The following COL11A1 variants were observed in gnomAD, a reference collection of about 807,000 sequenced individuals.
COL11A1 encodes the protein collagen alpha-1(XI) chain.
Under a neutral mutation model 265.2 loss-of-function variants are expected in COL11A1, and 74 were observed. The ratio of observed to expected loss-of-function variants is 0.28; its 90% CI spans 0.23 to 0.34. The LOEUF (loss-of-function observed/expected upper bound fraction) is 0.34, where lower values mean the gene tolerates loss of function less well. Ranked by LOEUF, COL11A1 falls within the 10% of genes least tolerant of loss-of-function variation. The probability of loss-of-function intolerance (pLI) is 1.00; values close to 1 mark genes in which losing one functional copy is unlikely to be tolerated. For synonymous variants in COL11A1, 816 were observed against 727.6 expected (o/e 1.12, Z -1.96); for missense variants, 2,165 against 2,263.6 (o/e 0.96, Z 0.88).
Position 103,001,954 on chromosome 1 carries a change from G to C in COL11A1, c.2113C>G (p.Gln705Glu), listed in dbSNP as rs747512885. ...TCACCAGGAGGACCAATTGGACCTT[G>C]TGGACCAGGAAGACCCTATTTTAAA... ...NPGPQGLPGPQGPIGPPGEKG... is the reference protein window; with the variant it reads ...NPGPQGLPGPEGPIGPPGEKG... Residue 705 changes from glutamine to glutamate, a missense_variant, in exon 24 of 67, where the codon CAA (glutamine) becomes GAA (glutamate). Physicochemically the swap from Gln to Glu is conservative, Grantham distance 29. Transcript: ENST00000370096. 6.2e-7 allele frequency: 1 copy of C among 1,613,046 alleles called. No individual in the cohort carries two copies. Among genetic ancestry groups the C allele is most frequent in the Non-Finnish European group, 8.5e-7 (1 of 1,179,092 alleles).
At chr1:102,916,128 T>G (rs1655309957) in intron 49 of COL11A1, among the ~76,000 whole-genome samples, 1 of 152,190 alleles carries the variant, frequency 6.6e-6, no homozygotes. Context: ...GTACATATGT[T>G]GATATTTTAT....
Position 102,898,691 on chromosome 1 carries a change from C to A in COL11A1, c.4223G>T (p.Gly1408Val). 1 of 1,612,738 alleles carries A rather than the reference C, an allele frequency of 6.2e-7. No homozygotes were observed. The highest frequency in any genetic ancestry group is 8.5e-7 in the Non-Finnish European group (1 of 1,179,226). Residue 1408 changes from glycine to valine, a missense_variant, in exon 56 of 67, where the codon GGT (glycine) becomes GTT (valine). By Grantham distance (109) the Gly-to-Val change is moderately radical (BLOSUM62 -3). Transcript: ENST00000370096. ...QGPAGKPGPE[G>V]LRGIPGPVGE... ...CACAGGACCAGGGATGCCCCGAAGA[C>A]CTTCTGGACCAGGCTTTCCTGCAGG...
intron 54 of COL11A1, among the ~76,000 whole-genome samples, chr1:102,910,378 T>C (rs1469981206): frequency 1.3e-5 from 2 of 152,072 alleles, no homozygotes; most frequent in Admixed American, 6.6e-5. Context: ...AATATAAATA[T>C]GTACTTTTTT....
intron 36 of COL11A1, among the ~76,000 whole-genome samples, chr1:102,972,633 A>C (rs970081296): frequency 6.6e-6 from 1 of 152,152 alleles, no homozygotes; most frequent in Non-Finnish European, 1.5e-5. Flanking sequence ...TAAAAGTAAT[A>C]ATTTTTTCAT....
At chr1:102,889,130 A>T (rs1310004345) in intron 59 of COL11A1, among the ~76,000 whole-genome samples, 2 of 152,140 alleles carry the variant, frequency 1.3e-5, no homozygotes, top group East Asian at 3.8e-4. Context: ...TACAATATCA[A>T]TGAGGTTTTT....
At chr1:102,918,270 CT>C (rs1409776404) in intron 49 of COL11A1, among the ~76,000 whole-genome samples, 3 of 151,712 alleles carry the variant, frequency 2.0e-5, no homozygotes, top group Non-Finnish European at 4.4e-5. Flanking sequence ...ACAAATTACT[CT>C]GTATGTACAA....
At chr1:103,033,938 C>T (rs1668170417) in intron 4 of COL11A1, among the ~76,000 whole-genome samples, 1 of 151,982 alleles carries the variant, frequency 6.6e-6, no homozygotes, top group Admixed American at 6.6e-5. Context: ...CTGGCTGTTT[C>T]CTTTGCATTT....
chr1:103,030,162 T>C (rs1667857153), intron 5 of COL11A1, among the ~76,000 whole-genome samples: 2 of 152,086 alleles, frequency 1.3e-5, no homozygotes, highest in Non-Finnish European at 2.9e-5. Flanking sequence ...GTGAAACAGG[T>C]AAATAAAATA....
chr1:103,043,163 C>A (rs1175290294), intron 4 of COL11A1, among the ~76,000 whole-genome samples: 1 of 143,224 alleles, frequency 7.0e-6, no homozygotes, highest in African/African-American at 2.6e-5. Flanking sequence ...TGAAATACAT[C>A]ATATATATGA....
intron 10 of COL11A1, 87 bp from the exon 11 acceptor site, chr1:103,017,969 T>C: frequency 1.9e-6 from 2 of 1,047,330 alleles, no homozygotes; most frequent in Non-Finnish European, 3.0e-6. Context: ...GAAGAGTTCG[T>C]TTATATTTTA....
intron 66 of COL11A1, among the ~76,000 whole-genome samples, chr1:102,878,698 G>A (rs1246545592): frequency 6.6e-6 from 1 of 150,892 alleles, no homozygotes; most frequent in Non-Finnish European, 1.5e-5. Context: ...TTTAGTAGAT[G>A]AGGTTTCACT....
chr1:102,910,979 T>C (rs775269775), intron 54 of COL11A1, among the ~76,000 whole-genome samples: 1 of 152,266 alleles, frequency 6.6e-6, no homozygotes, highest in East Asian at 1.9e-4. Context: ...AATAGTATAA[T>C]AGACAGCTAT....
rs879505728 is a variant in COL11A1 at position 102,912,084 on chromosome 1, C to T, written c.4086+75G>A. On this transcript the variant is annotated intron_variant, in intron 54 of 66. Coordinates refer to ENST00000370096, the MANE Select transcript of COL11A1 (RefSeq NM_001854.4). ...TATTCTTATAACATGCTGCCTGCAGCTTACACACATTATATAAATTTATCC... is the reference window on the plus strand; with the variant it reads ...TATTCTTATAACATGCTGCCTGCAGTTTACACACATTATATAAATTTATCC... 7.7e-5 allele frequency: 95 copies of T among 1,238,290 alleles called. No homozygotes were observed. In the Admixed American group the frequency reaches 1.9e-3, roughly 24 times the overall value. The allele number at this position is 1,238,290 out of a possible 1,614,324, so 76.7% of individuals were successfully genotyped here. A position where few individuals can be genotyped will look rare whatever the true frequency, so the allele number is the denominator to read the frequency against.
chr1:103,068,522 CAT>C (rs979093938), intron 4 of COL11A1, among the ~76,000 whole-genome samples: 3 of 151,314 alleles, frequency 2.0e-5, no homozygotes, highest in African/African-American at 7.3e-5. Context: ...TTATTTTCCA[CAT>C]GAGGTCAGAA....
intron 9 of COL11A1, among the ~76,000 whole-genome samples, chr1:103,019,703 G>A (rs1017860211): frequency 1.3e-5 from 2 of 149,860 alleles, no homozygotes; most frequent in Non-Finnish European, 3.0e-5. Flanking sequence ...TCGTCATCTA[G>A]CATTAGGTAT....
intron 6 of COL11A1, 164 bp downstream of exon 6, chr1:103,026,052 A>G: frequency 1.5e-6 from 2 of 1,297,644 alleles, no homozygotes; most frequent in Middle Eastern, 1.8e-4. Flanking sequence ...TGAAATGGAC[A>G]TCATTCTTCA....
At chr1:102,886,125 G>A (rs764441491) in intron 63 of COL11A1, among the ~76,000 whole-genome samples, 3 of 152,112 alleles carry the variant, frequency 2.0e-5, no homozygotes, top group Non-Finnish European at 4.4e-5. Context: ...ATGAAGATCT[G>A]CCCCTTGCTA....
At chr1:102,981,631 A>C (rs185108724) in intron 31 of COL11A1, among the ~76,000 whole-genome samples, 1 of 152,190 alleles carries the variant, frequency 6.6e-6, no homozygotes, top group East Asian at 1.9e-4. Flanking sequence ...ATAAGGAATT[A>C]TCACCAAAAT....
intron 54 of COL11A1, among the ~76,000 whole-genome samples, chr1:102,905,301 C>A (rs1435123434): frequency 6.7e-6 from 1 of 149,490 alleles, no homozygotes; most frequent in Non-Finnish European, 1.5e-5. Flanking sequence ...TGCAGCACAC[C>A]AACATGGCAC....
Sources: gnomAD v4.1 joint callset for allele counts (sites outside exome capture counted in the v4.1 genomes callset) on GRCh38, gnomAD v4.1.1 for gene constraint, MANE v1.5 for transcripts, NCBI Gene and HGNC (gene_info 2026-07-23, HGNC 2026-07-21) for gene names.